The following ACBD6 variants were observed in gnomAD, a reference collection of about 807,000 sequenced individuals.
The protein encoded by ACBD6 is acyl-CoA-binding domain-containing protein 6.
A neutral mutation model predicts 37.2 loss-of-function variants in ACBD6; 28 were observed. The ratio of observed to expected loss-of-function variants is 0.75; its 90% confidence interval spans 0.56 to 1.03. ACBD6 has a LOEUF of 1.03. ACBD6 is among the 50% of genes least tolerant of loss of function. The pLI, the probability that ACBD6 is intolerant of heterozygous loss-of-function variation, is 0.00. For synonymous variants in ACBD6, 113 were observed against 126.8 expected, an observed-to-expected ratio of 0.89 and a Z score of 0.73; for missense variants, 340 against 337.4, an observed-to-expected ratio of 1.01 and a Z score of -0.06.
chr1:180,468,774 C>A (rs1020582335), intron 3 of ACBD6, among the ~76,000 whole-genome samples: 1 of 152,168 alleles, frequency 6.6e-6, no homozygotes, highest in Non-Finnish European at 1.5e-5. Flanking sequence ...CCATAAAAAT[C>A]TTTGCTGGTT....
At chr1:180,397,692 T>C (rs1439972735) in intron 5 of ACBD6, 87 bp from the exon 6 acceptor site, 57 of 1,107,074 alleles carry the variant, frequency 5.1e-5, no homozygotes, top group Non-Finnish European at 1.4e-5. Context: ...CAAGGAAATA[T>C]AAAAAATTAT....
chr1:180,493,363 C>A (rs1458608074), intron 2 of ACBD6, among the ~76,000 whole-genome samples: 5 of 150,904 alleles, frequency 3.3e-5, no homozygotes, highest in African/African-American at 1.2e-4. Context: ...TAGTCCTGAG[C>A]TTCCTTTTGG....
chr1:180,288,179 C>G (rs1649565117), downstream of ACBD6: 4 of 755,092 alleles, frequency 5.3e-6, no homozygotes, highest in South Asian at 7.2e-5. Context: ...ATCACCAAAA[C>G]TGTACTGCCT....
At chr1:180,405,526 T>C (rs1161524367) in intron 5 of ACBD6, among the ~76,000 whole-genome samples, 1 of 152,170 alleles carries the variant, frequency 6.6e-6, no homozygotes, top group African/African-American at 2.4e-5. Context: ...ATGAATGCTT[T>C]TGGGGGGACT....
intron 3 of ACBD6, among the ~76,000 whole-genome samples, chr1:180,473,449 A>AC (rs1452137286): frequency 1.4e-5 from 2 of 147,836 alleles, no homozygotes; most frequent in Non-Finnish European, 1.5e-5. Context: ...TCCGTCTCAA[A>AC]AAAAAAAAAA....
rs116482990 is a variant in ACBD6, at chr1:180,274,596, C to T, written c.*936+55G>A. 1.9e-4 allele frequency: 294 copies of T among 1,543,110 alleles called. 1 individual carries two copies. Among genetic ancestry groups the T allele is most frequent in the Non-Finnish European group, 2.5e-4 (292 of 1,147,816 alleles). On this transcript the variant is annotated intron_variant, in intron 10 of 13. Coordinates refer to the ACBD6 transcript ENST00000642319. ...CCTTTTTAAACTTCTCTCCTCCCCA[C>T]CCTACCTGCCCCCCTGGCTTGAGAG...
chr1:180,344,417 A>AAAATGATATAGT (rs1332349421), intron 6 of ACBD6, among the ~76,000 whole-genome samples: 12 of 152,242 alleles, frequency 7.9e-5, no homozygotes, highest in Non-Finnish European at 1.8e-4. Context: ...ATGGTATAGT[A>AAAATGATATAGT]AAATGATTTA....
In ACBD6 at chr1:180,475,457, G is replaced by GTTCA. The variant is rs1246715616; in HGVS notation, c.384+16808_384+16811dup. Among the ~76,000 whole-genome samples the GTTCA allele has an allele frequency of 2.6e-5, 4 of 152,286 alleles. No homozygotes were observed. In the South Asian group the frequency reaches 6.2e-4, roughly 24 times the overall value. On this transcript the variant is annotated intron_variant, in intron 3 of 7. Transcript: ENST00000367595. Reference sequence around the variant, plus strand: ...GCTGGAGTGCCATGGCATGATCAGAGTTCACTATAGCCTCAACCTCCTGGG... The same window carrying GTTCA: ...GCTGGAGTGCCATGGCATGATCAGAGTTCATTCACTATAGCCTCAACCTCCTGGG...
At chr1:180,500,502 G>A (rs1038277176) in intron 1 of ACBD6, among the ~76,000 whole-genome samples, 15 of 151,998 alleles carry the variant, frequency 9.9e-5, no homozygotes, top group African/African-American at 3.6e-4. Context: ...AGACCAGCCT[G>A]GCGAACATGA....
At chr1:180,356,377 G>A (rs182986041) in intron 6 of ACBD6, among the ~76,000 whole-genome samples, 254 of 151,606 alleles carry the variant, frequency 1.7e-3, no homozygotes, top group Non-Finnish European at 2.8e-3. Context: ...TTACCGTGTC[G>A]CCCAGACTGG....
At chr1:180,379,347 CA>C (rs1653557528) in intron 6 of ACBD6, among the ~76,000 whole-genome samples, 2 of 152,062 alleles carry the variant, frequency 1.3e-5, no homozygotes, top group Non-Finnish European at 2.9e-5. Context: ...CATGAAAAAG[CA>C]AAGGAATATG....
intron 6 of ACBD6, among the ~76,000 whole-genome samples, chr1:180,350,380 G>A (rs898927338): frequency 6.6e-6 from 1 of 151,482 alleles, no homozygotes; most frequent in African/African-American, 2.4e-5. Flanking sequence ...AATGTGTTAA[G>A]AGACCCTAGT....
chr1:180,364,931 C>T (rs753541957), intron 6 of ACBD6, among the ~76,000 whole-genome samples: 2 of 152,002 alleles, frequency 1.3e-5, no homozygotes, highest in African/African-American at 4.8e-5. Flanking sequence ...GACAGGGTTT[C>T]GCCGTGTTAG....
In ACBD6 at chr1:180,497,234, A is replaced by G. The variant is rs141717753; in HGVS notation, c.223-1709T>C. On this transcript the variant is annotated intron_variant, in intron 1 of 7. Coordinates refer to ENST00000367595, the MANE Select transcript of ACBD6 (RefSeq NM_032360.4). ...ATGCCAATAGTTCTCCATTTCTCCT[A>G]TAGTAACAGAAGTCTCAGCTGGACA... Among the ~76,000 whole-genome samples the G allele has an allele frequency of 4.4e-3, 669 of 152,324 alleles. 3 individuals are homozygous for G. Among genetic ancestry groups the G allele is most frequent in the African/African-American group, 0.015 (631 of 41,566 alleles).
At chr1:180,473,370 C>T (rs1490611428) in intron 3 of ACBD6, among the ~76,000 whole-genome samples, 1 of 150,000 alleles carries the variant, frequency 6.7e-6, no homozygotes, top group African/African-American at 2.4e-5. Context: ...TGGCGTGAAC[C>T]CGGGAGGCGG....
chr1:180,347,159 T>C, intron 6 of ACBD6, among the ~76,000 whole-genome samples: 1 of 152,184 alleles, frequency 6.6e-6, no homozygotes, highest in East Asian at 1.9e-4. Context: ...GGGTGAAAAG[T>C]ACCTTGAAAG....
chr1:180,423,997 A>G (rs1405586708), intron 4 of ACBD6, among the ~76,000 whole-genome samples: 1 of 152,202 alleles, frequency 6.6e-6, no homozygotes, highest in African/African-American at 2.4e-5. Context: ...CCAGGAAAGT[A>G]CATTTTTTTA....
chr1:180,329,364 T>C (rs1433801406), intron 6 of ACBD6, among the ~76,000 whole-genome samples: 2 of 152,196 alleles, frequency 1.3e-5, no homozygotes, highest in Non-Finnish European at 1.5e-5. Flanking sequence ...TCCTCAGCCA[T>C]AGGATATTCA....
chr1:180,390,542 AGTCATTGGTAGC>A lies in ACBD6; in HGVS notation c.663+6962_663+6973del, dbSNP rs559282145. Among the ~76,000 whole-genome samples the A allele has an allele frequency of 7.7e-4, 118 of 152,288 alleles. 2 individuals are homozygous for A. The South Asian group carries it at 0.017, about 22-fold the overall frequency. On this transcript the variant is annotated intron_variant, in intron 6 of 7. Coordinates refer to ENST00000367595, the MANE Select transcript of ACBD6 (RefSeq NM_032360.4). ...TAGGTTTTCCCAATTCTGTGAAGAA[AGTCATTGGTAGC>A]TTGATGGGGATGGCATTGAATCTAT...
Sources: gnomAD v4.1 joint callset for allele counts (sites outside exome capture counted in the v4.1 genomes callset) on GRCh38, gnomAD v4.1.1 for gene constraint, MANE v1.5 for transcripts, NCBI Gene and HGNC (gene_info 2026-07-23, HGNC 2026-07-21) for gene names.